Variants in PLAAT4 observed in about 807,000 individuals in gnomAD.
PLAAT4 encodes HRAS-like suppressor 4.
Under a neutral mutation model 14.1 loss-of-function variants are expected in PLAAT4, and 12 were observed. That is an observed-to-expected ratio of 0.85 (90% CI 0.54 to 1.37). The LOEUF is 1.37. Among genes scored for constraint, PLAAT4 ranks in the 40% most tolerant of loss-of-function variants. PLAAT4 has a pLI of 0.00. For synonymous variants in PLAAT4, 77 were observed against 79.8 expected (o/e 0.96, Z 0.19); for missense variants, 163 against 211.7 (o/e 0.77, Z 1.43).
At chr11:63,542,935 A>C (rs2017333132) in intron 2 of PLAAT4, among the ~76,000 whole-genome samples, 1 of 152,202 alleles carries the variant, frequency 6.6e-6, no homozygotes, top group Non-Finnish European at 1.5e-5. Context: ...CTTATAGGGG[A>C]AACCTGATAA....
chr11:63,542,634 G>A (rs1024362802), intron 2 of PLAAT4, among the ~76,000 whole-genome samples: 3 of 152,126 alleles, frequency 2.0e-5, no homozygotes, highest in Non-Finnish European at 4.4e-5. Context: ...GTTTATATCT[G>A]TCTGGTTTTA....
At position 63,546,254 on chromosome 11, in the gene PLAAT4, T is replaced by TGAAGCAGCCACAAAATCCTGTGTTA; in HGVS notation, c.*7_*31dup. On this transcript the variant is annotated frameshift_variant and stop_retained_variant, in exon 4 of 4. Transcript: ENST00000255688. LOFTEE classifies it high-confidence loss of function. Reference sequence around the variant, plus strand: ...GAGATACCAAAAAAAAGCGACAGCCTGAAGCAGCCACAAAATCCTGTGTTA... The same window carrying TGAAGCAGCCACAAAATCCTGTGTTA: ...GAGATACCAAAAAAAAGCGACAGCCTGAAGCAGCCACAAAATCCTGTGTTAGAAGCAGCCACAAAATCCTGTGTTA... 2 of 1,613,872 alleles carry TGAAGCAGCCACAAAATCCTGTGTTA rather than the reference T, an allele frequency of 1.2e-6. No homozygotes were observed. Among genetic ancestry groups the TGAAGCAGCCACAAAATCCTGTGTTA allele is most frequent in the Non-Finnish European group, 1.7e-6 (2 of 1,179,768 alleles).
chr11:63,540,799 A>T (rs534831400), intron 2 of PLAAT4, among the ~76,000 whole-genome samples: 2 of 152,312 alleles, frequency 1.3e-5, no homozygotes, highest in East Asian at 3.9e-4. Context: ...GTGCCACTGC[A>T]CTCCAGCCTA....
chr11:63,546,009 C>T lies in PLAAT4; in HGVS notation c.388-140C>T, dbSNP rs2017361978. ...TGGGAGAGGATTCTGAGCCAGCCAG[C>T]TGGGAGAGAAGAGAGGAGATGCCAG... On this transcript the variant is annotated intron_variant, in intron 3 of 3. Coordinates refer to ENST00000255688, the MANE Select transcript of PLAAT4 (RefSeq NM_004585.5). 6.8e-6 allele frequency: 5 copies of T among 733,504 alleles called. No homozygotes were observed. The South Asian group carries it at 8.3e-5, about 12-fold the overall frequency. The allele number at this position is 733,504 out of a possible 1,614,324, so 45.4% of individuals were successfully genotyped here. A position where few individuals can be genotyped will look rare whatever the true frequency, so the allele number is the denominator to read the frequency against.
chr11:63,538,368 G>T, intron 1 of PLAAT4: 1 of 378,622 alleles, frequency 2.6e-6, no homozygotes, highest in South Asian at 1.9e-5. Flanking sequence ...GGGCTGGTCA[G>T]GGGGTTGTGG....
rs557058312 is a variant in PLAAT4 at position 63,544,959 on chromosome 11, G to T, written c.387+70G>T. Reference sequence around the variant, plus strand: ...GACTCACGGGGCTGTGCAGCCAGGCGATCACTGTGAATGATGCAAATGCAG... The same window carrying T: ...GACTCACGGGGCTGTGCAGCCAGGCTATCACTGTGAATGATGCAAATGCAG... On this transcript the variant is annotated intron_variant, in intron 3 of 3. Coordinates refer to ENST00000255688, the MANE Select transcript of PLAAT4 (RefSeq NM_004585.5). 359 of 1,603,038 alleles carry T rather than the reference G, an allele frequency of 2.2e-4. 3 individuals carry two copies. In the South Asian group the frequency reaches 3.6e-3, roughly 16 times the overall value.
Position 63,546,266 on chromosome 11 carries a change from A to G in PLAAT4, c.*10A>G. 6.2e-7 allele frequency: 1 copy of G among 1,613,044 alleles called. No homozygotes were observed. The highest frequency in any genetic ancestry group is 8.5e-7 in the Non-Finnish European group (1 of 1,178,960). ...AAAAGCGACAGCCTGAAGCAGCCACAAAATCCTGTGTTAGAAGCAGCTGTG... is the reference window on the plus strand; with the variant it reads ...AAAAGCGACAGCCTGAAGCAGCCACGAAATCCTGTGTTAGAAGCAGCTGTG... On this transcript the variant is annotated 3_prime_UTR_variant, in exon 4 of 4. Coordinates refer to ENST00000255688, the MANE Select transcript of PLAAT4 (RefSeq NM_004585.5).
intron 2 of PLAAT4, among the ~76,000 whole-genome samples, chr11:63,540,095 G>A (rs962370662): frequency 1.3e-5 from 2 of 152,274 alleles, no homozygotes; most frequent in Admixed American, 6.5e-5. Flanking sequence ...AGTAGACACA[G>A]TGCATTCCAT....
chr11:63,546,241 A>G lies in PLAAT4; in HGVS notation c.480A>G (p.Lys160=). ...GCSFAIRRYQ[K]KATA Reference sequence around the variant, plus strand: ...CTTTTGCGATTAGGAGATACCAAAAAAAAGCGACAGCCTGAAGCAGCCACA... The same window carrying G: ...CTTTTGCGATTAGGAGATACCAAAAGAAAGCGACAGCCTGAAGCAGCCACA... The change falls in exon 4 of 4, where the codon AAA becomes AAG. Residue 160 remains lysine, a synonymous_variant. Transcript: ENST00000255688. 6 of 1,614,190 alleles carry G rather than the reference A, an allele frequency of 3.7e-6. No individual in the cohort carries two copies. Among genetic ancestry groups the G allele is most frequent in the Non-Finnish European group, 5.1e-6 (6 of 1,180,026 alleles).
In PLAAT4 at chr11:63,544,736, C is replaced by G; in HGVS notation, c.234C>G (p.Asn78Lys). 6.2e-7 allele frequency: 1 copy of G among 1,614,202 alleles called. No individual in the cohort carries two copies. Among genetic ancestry groups the G allele is most frequent in the South Asian group, 1.1e-5 (1 of 91,078 alleles). The change falls in exon 3 of 4, where the codon AAC (asparagine) becomes AAG (lysine). Residue 78 changes from asparagine to lysine, a missense_variant. Asn to Lys is a moderately conservative substitution (Grantham distance 94, BLOSUM62 0). Coordinates refer to ENST00000255688, the MANE Select transcript of PLAAT4 (RefSeq NM_004585.5). The stretch of plus-strand genomic sequence containing the variant: ...GAGGCTGTTGCTATCGGGTCAACAA[C>G]AGCTTGGACCATGAGTACCAACCAC... ...VVGGCCYRVN[N>K]SLDHEYQPRP...
Position 63,546,313 on chromosome 11 carries a change from C to A in PLAAT4, c.*57C>A. The A allele has an allele frequency of 6.7e-7, 1 of 1,497,106 alleles. No homozygotes were observed. Among genetic ancestry groups the A allele is most frequent in the Non-Finnish European group, 9.3e-7 (1 of 1,073,976 alleles). The allele number at this position is 1,497,106 out of a possible 1,614,324, so 92.7% of individuals were successfully genotyped here. A position where few individuals can be genotyped will look rare whatever the true frequency, so the allele number is the denominator to read the frequency against. ...TGTGGGGGTCCCAGTGGAGATGAGC[C>A]TCCCCCATGCCTCCAGCAGCCTGAC... On this transcript the variant is annotated 3_prime_UTR_variant, in exon 4 of 4. Coordinates refer to ENST00000255688, the MANE Select transcript of PLAAT4 (RefSeq NM_004585.5).
chr11:63,541,752 G>A (rs1015304683), intron 2 of PLAAT4, among the ~76,000 whole-genome samples: 8 of 151,836 alleles, frequency 5.3e-5, no homozygotes, highest in Non-Finnish European at 1.0e-4. Context: ...AAAGTCAACT[G>A]CATACAGTTC....
rs759720730 is a variant in PLAAT4 at position 63,544,897 on chromosome 11, C to A, written c.387+8C>A. ...AAGTCCCGCTGTAAACAGGTAAGGA[C>A]CTCTCTGGATAATCCATCTCCCTCT... On this transcript the variant is annotated splice_region_variant and intron_variant, in intron 3 of 3. Coordinates refer to ENST00000255688, the MANE Select transcript of PLAAT4 (RefSeq NM_004585.5). 2 of 1,614,210 alleles carry A rather than the reference C, an allele frequency of 1.2e-6. No homozygotes were observed. The highest frequency in any genetic ancestry group is 4.5e-5 in the East Asian group (2 of 44,888).
chr11:63,539,796 T>C (rs911042582), intron 2 of PLAAT4, among the ~76,000 whole-genome samples, 172 bp downstream of exon 2: 1 of 152,086 alleles, frequency 6.6e-6, no homozygotes, highest in Non-Finnish European at 1.5e-5. Context: ...ACCCCATCTC[T>C]ACTAAAAATA....
chr11:63,538,792 T>A (rs2017294338), intron 1 of PLAAT4, among the ~76,000 whole-genome samples: 1 of 152,146 alleles, frequency 6.6e-6, no homozygotes. Context: ...ACCTCTCTGA[T>A]CCTCAGTTTC....
At chr11:63,536,953 G>T in intron 1 of PLAAT4, 76 bp downstream of exon 1, 1 of 1,535,954 alleles carries the variant, frequency 6.5e-7, no homozygotes. Flanking sequence ...CTCAGTCCAG[G>T]CTCCTGGCCT....
At position 63,544,781 on chromosome 11, in the gene PLAAT4, C is replaced by T; in HGVS notation, c.279C>T (p.Ile93=). The T allele has an allele frequency of 6.2e-7, 1 of 1,614,206 alleles. No homozygotes were observed. The part of the protein sequence containing the change: ...EYQPRPVEVI[I]SSAKEMVGQK... ...AACCACGGCCCGTGGAGGTGATCAT[C>T]AGTTCTGCGAAGGAGATGGTTGGTC... The change falls in exon 3 of 4, where the codon ATC becomes ATT. Residue 93 remains isoleucine, a synonymous_variant. Transcript: ENST00000255688.
intron 1 of PLAAT4, among the ~76,000 whole-genome samples, chr11:63,537,994 C>T (rs1382870204): frequency 5.3e-5 from 8 of 152,158 alleles, no homozygotes; most frequent in Non-Finnish European, 4.4e-5. Flanking sequence ...AGTGGGGTGG[C>T]GGGTCAGCTG....
chr11:63,540,526 G>GA (rs2017313033), intron 2 of PLAAT4, among the ~76,000 whole-genome samples: 1 of 144,060 alleles, frequency 6.9e-6, no homozygotes, highest in Non-Finnish European at 1.5e-5. Context: ...CAATGAAAGG[G>GA]GAAAAAACGA....
Sources: allele counts gnomAD v4.1 joint callset (sites outside exome capture counted in the v4.1 genomes callset), GRCh38; gene constraint gnomAD v4.1.1; transcripts MANE v1.5; gene names NCBI Gene and HGNC (gene_info 2026-07-23, HGNC 2026-07-21).